Variants in SRGAP3 observed in about 807,000 individuals in gnomAD.
SRGAP3 encodes the protein SLIT-ROBO Rho GTPase-activating protein 3.
A neutral mutation model predicts 121.1 loss-of-function variants in SRGAP3; 39 were observed. That is an observed-to-expected ratio of 0.32 (90% CI 0.25 to 0.42). The LOEUF (loss-of-function observed/expected upper bound fraction) is 0.42. Among genes scored for constraint, SRGAP3 ranks in the 10% least tolerant of loss-of-function variants. SRGAP3 has a pLI of 1.00. For synonymous variants in SRGAP3, 601 were observed against 570.0 expected (o/e 1.05, Z -0.77); for missense variants, 1,213 against 1,470.6 (o/e 0.82, Z 2.86).
At chr3:9,157,479 T>G (rs1410690152) in intron 1 of SRGAP3, among the ~76,000 whole-genome samples, 1 of 152,126 alleles carries the variant, frequency 6.6e-6, no homozygotes, top group Non-Finnish European at 1.5e-5. Context: ...ATAATAACAA[T>G]AACATGTATT....
intron 4 of SRGAP3, among the ~76,000 whole-genome samples, chr3:9,065,060 T>C (rs979249329): frequency 1.3e-5 from 2 of 152,026 alleles, no homozygotes; most frequent in Non-Finnish European, 2.9e-5. Context: ...CCCACACCCA[T>C]GGGAATTGAA....
Position 9,285,342 on chromosome 3 carries a change from A to T in SRGAP3, n.442+40668T>A, listed in dbSNP as rs1309151386. Reference sequence around the variant, plus strand: ...TCAGAACTTGCTGCTCTAAAATATGACACCTTGGCATTTGAGAAAACAGCA... The same window carrying T: ...TCAGAACTTGCTGCTCTAAAATATGTCACCTTGGCATTTGAGAAAACAGCA... On this transcript the variant is annotated intron_variant and non_coding_transcript_variant, in intron 3 of 3. Coordinates refer to the SRGAP3 transcript ENST00000490889. Among the ~76,000 whole-genome samples, 3 of 152,146 alleles carry T rather than the reference A, an allele frequency of 2.0e-5. No homozygotes were observed. In the East Asian group the frequency reaches 5.8e-4, roughly 29 times the overall value.
chr3:9,161,104 A>G (rs905220335), intron 1 of SRGAP3, among the ~76,000 whole-genome samples: 6 of 152,354 alleles, frequency 3.9e-5, no homozygotes, highest in Admixed American at 3.9e-4. Context: ...ATGTTTGACG[A>G]GGAATTGAAT....
chr3:9,307,011 T>C (rs1352983201), intron 3 of SRGAP3, among the ~76,000 whole-genome samples: 1 of 152,208 alleles, frequency 6.6e-6, no homozygotes, highest in Non-Finnish European at 1.5e-5. Flanking sequence ...CTTGCTCTGT[T>C]ACCCAGGCTG....
intron 1 of SRGAP3, among the ~76,000 whole-genome samples, chr3:9,352,575 C>T (rs545306102): frequency 6.6e-6 from 1 of 152,284 alleles, no homozygotes; most frequent in East Asian, 1.9e-4. Flanking sequence ...TGCCTGGCCT[C>T]ATGGTCTTTT....
intron 1 of SRGAP3, among the ~76,000 whole-genome samples, chr3:9,160,210 C>A (rs1373030769): frequency 1.3e-5 from 2 of 152,156 alleles, no homozygotes; most frequent in Admixed American, 1.3e-4. Flanking sequence ...ATAATACTAC[C>A]ATAAATTCTT....
chr3:9,055,332 C>T (rs994092841), intron 8 of SRGAP3, among the ~76,000 whole-genome samples: 2 of 152,216 alleles, frequency 1.3e-5, no homozygotes, highest in Non-Finnish European at 2.9e-5. Flanking sequence ...CCCATGACTG[C>T]ACTTTAAAGA....
chr3:9,011,449 T>C (rs933469877), intron 17 of SRGAP3, among the ~76,000 whole-genome samples: 1 of 152,200 alleles, frequency 6.6e-6, no homozygotes, highest in Admixed American at 6.5e-5. Flanking sequence ...TGGAGCCTCA[T>C]CCTTCACCAT....
At chr3:9,077,300 G>C (rs376968614) in intron 4 of SRGAP3, among the ~76,000 whole-genome samples, 6 of 152,214 alleles carry the variant, frequency 3.9e-5, no homozygotes, top group East Asian at 1.9e-4. Context: ...GACAGAGACA[G>C]ACTCTGAATA....
At chr3:9,169,974 C>T (rs536361884) in intron 1 of SRGAP3, among the ~76,000 whole-genome samples, 1 of 152,160 alleles carries the variant, frequency 6.6e-6, no homozygotes, top group Non-Finnish European at 1.5e-5. Context: ...TTTCTTCCAA[C>T]TGGGAGACAG....
intron 15 of SRGAP3, 67 bp from the exon 16 acceptor site, chr3:9,013,909 C>G (rs568681237): frequency 4.0e-5 from 58 of 1,464,532 alleles, no homozygotes; most frequent in South Asian, 8.0e-5. Context: ...AACATTCGCT[C>G]GCCACATCTC....
chr3:9,055,493 A>G (rs1191440291), intron 8 of SRGAP3, among the ~76,000 whole-genome samples: 2 of 152,188 alleles, frequency 1.3e-5, no homozygotes, highest in African/African-American at 4.8e-5. Flanking sequence ...ATCAGAATAG[A>G]GCCACTGCAC....
intron 1 of SRGAP3, among the ~76,000 whole-genome samples, chr3:9,339,572 A>C (rs1249871716): frequency 6.6e-6 from 1 of 152,242 alleles, no homozygotes; most frequent in Non-Finnish European, 1.5e-5. Flanking sequence ...TCACGACTTC[A>C]TTAAAGGGTA....
intron 1 of SRGAP3, among the ~76,000 whole-genome samples, chr3:9,228,766 A>G (rs755983462): frequency 2.0e-5 from 3 of 152,254 alleles, no homozygotes; most frequent in Non-Finnish European, 4.4e-5. Context: ...CTAGCAAGCT[A>G]AAAGTCAACT....
rs76869334 is a variant in SRGAP3 at position 9,158,531 on chromosome 3, C to G, written c.68-33614G>C. ...TGATTGAACTGATTCTCAAAAATACCCCCGGTATTCATTCATTATCCCCAT... is the reference window on the plus strand; with the variant it reads ...TGATTGAACTGATTCTCAAAAATACGCCCGGTATTCATTCATTATCCCCAT... On this transcript the variant is annotated intron_variant, in intron 1 of 21. Transcript: ENST00000383836. Among the ~76,000 whole-genome samples, 660 of 152,156 alleles carry G rather than the reference C, an allele frequency of 4.3e-3. 9 individuals carry two copies. Among genetic ancestry groups the G allele is most frequent in the African/African-American group, 0.015 (638 of 41,490 alleles).
chr3:9,153,821 A>C (rs376596686), intron 1 of SRGAP3, among the ~76,000 whole-genome samples: 14 of 152,200 alleles, frequency 9.2e-5, no homozygotes, highest in African/African-American at 3.1e-4. Flanking sequence ...AATCATGTGC[A>C]TTATATTCTA....
intron 3 of SRGAP3, among the ~76,000 whole-genome samples, chr3:9,302,854 C>T (rs1018808393): frequency 1.3e-5 from 2 of 152,120 alleles, no homozygotes; most frequent in East Asian, 3.9e-4. Context: ...GAGCAAGGGG[C>T]TTCAGTTCTC....
rs777396931 is a variant in SRGAP3, at chr3:8,985,180, G to A, written c.*339C>T. 41 of 430,744 alleles carry A rather than the reference G, an allele frequency of 9.5e-5. No individual in the cohort carries two copies. The highest frequency in any genetic ancestry group is 1.5e-4 in the Non-Finnish European group (36 of 234,370). 26.7% of individuals were successfully genotyped at this position (430,744 alleles called of 1,614,324 possible). On this transcript the variant is annotated 3_prime_UTR_variant, in exon 22 of 22. Transcript: ENST00000383836. This position sits in a 1 kb window ranked among gnomAD's most constrained non-coding sequence, Gnocchi z 5.1. ...CACATCGATATACACACACATATAC[G>A]TATGTAGAGAGAATGTCGAGAGAGG...
intron 1 of SRGAP3, among the ~76,000 whole-genome samples, chr3:9,189,957 C>G (rs1477272013): frequency 6.6e-6 from 1 of 152,184 alleles, no homozygotes; most frequent in African/African-American, 2.4e-5. Flanking sequence ...TACTATGTGC[C>G]AAGTACTATC....
Sources: allele counts gnomAD v4.1 joint callset (sites outside exome capture counted in the v4.1 genomes callset), GRCh38; gene constraint gnomAD v4.1.1; non-coding constraint Gnocchi (gnomAD v3.1); transcripts MANE v1.5; gene names NCBI Gene and HGNC (gene_info 2026-07-23, HGNC 2026-07-21).